The following CHD1L variants were observed in gnomAD, a reference collection of about 807,000 sequenced individuals.
The protein encoded by CHD1L is chromodomain helicase DNA binding protein 1 like.
CHD1L carries 118 observed loss-of-function variants against 115.9 expected under a neutral mutation model. That is an observed-to-expected ratio of 1.02 (90% CI 0.88 to 1.19). The LOEUF (loss-of-function observed/expected upper bound fraction) is 1.19, where lower values mean the gene tolerates loss of function less well. Among genes scored for constraint, CHD1L ranks in the 50% most tolerant of loss-of-function variants. The probability of loss-of-function intolerance (pLI) is 0.00; values close to 1 mark genes in which losing one functional copy is unlikely to be tolerated. For missense variants in CHD1L, 1,179 were observed against 1,065.3 expected, an observed-to-expected ratio of 1.11 and a Z score of -1.49; for synonymous variants, 411 against 387.1, an observed-to-expected ratio of 1.06 and a Z score of -0.72.
At chr1:147,284,302 A>G (rs782737650) in intron 15 of CHD1L, 49 bp from the exon 16 acceptor site, 7 of 1,435,260 alleles carry the variant, frequency 4.9e-6, no homozygotes, top group East Asian at 4.7e-5. Flanking sequence ...GCATTAATCT[A>G]TTTTTCCTTG....
the CHD1L span, chr1:147,208,778 C>T: frequency 7.8e-7 from 1 of 1,274,902 alleles, no homozygotes; most frequent in Non-Finnish European, 1.1e-6. Context: ...GGTGGCTTTA[C>T]TATTAGCCAG....
chr1:147,204,040 T>G, the CHD1L span: 4 of 1,165,714 alleles, frequency 3.4e-6, no homozygotes, highest in Non-Finnish European at 5.2e-6. Context: ...GAGCCATGTC[T>G]GCCACTTTGC....
intron 3 of CHD1L, among the ~76,000 whole-genome samples, chr1:147,255,476 C>G (rs1669789493): frequency 6.6e-6 from 1 of 152,186 alleles, no homozygotes; most frequent in Non-Finnish European, 1.5e-5. Flanking sequence ...ATCTGCCCGC[C>G]TTAGCTTCCC....
chr1:147,268,927 C>CCTGA (rs782447103), intron 10 of CHD1L, 49 bp downstream of exon 10: 11 of 1,444,236 alleles, frequency 7.6e-6, no homozygotes, highest in Non-Finnish European at 1.1e-5. Flanking sequence ...ACTGTTAAAA[C>CCTGA]CTGACTATTG....
At chr1:147,256,491 TC>T in intron 4 of CHD1L, 39 bp from the exon 5 acceptor site, 1 of 1,581,712 alleles carries the variant, frequency 6.3e-7, no homozygotes, top group Non-Finnish European at 8.7e-7. Context: ...TCAGAGTTTA[TC>T]AATGCCAGCC....
rs375146623 is a variant in CHD1L, at chr1:147,293,747, G to A, written c.2506+25G>A. 2.0e-5 allele frequency: 32 copies of A among 1,575,432 alleles called. No individual in the cohort carries two copies. Among genetic ancestry groups the A allele is most frequent in the Non-Finnish European group, 2.7e-5 (31 of 1,146,030 alleles). ...GGTAAGCTCTTCCACCTGTGCTCAAGAGTAGATGAATTTGTTTCTAGGCAT... is the reference window on the plus strand; with the variant it reads ...GGTAAGCTCTTCCACCTGTGCTCAAAAGTAGATGAATTTGTTTCTAGGCAT... On this transcript the variant is annotated intron_variant, in intron 21 of 22. Coordinates refer to ENST00000369258, the MANE Select transcript of CHD1L (RefSeq NM_004284.6).
the CHD1L span, chr1:147,224,745 C>G: frequency 2.9e-6 from 2 of 682,256 alleles, no homozygotes; most frequent in East Asian, 2.7e-5. Flanking sequence ...CGCCTGACCT[C>G]GTGATCCGCC....
At chr1:147,178,443 AGAAGCAG>A in the CHD1L span, 1 of 1,611,494 alleles carries the variant, frequency 6.2e-7, no homozygotes, top group Non-Finnish European at 8.5e-7. Flanking sequence ...GAGATGGTGA[AGAAGCAG>A]GTGCTTATGA....
the CHD1L span, chr1:147,178,170 C>A: frequency 6.2e-7 from 1 of 1,610,624 alleles, no homozygotes; most frequent in Non-Finnish European, 8.5e-7. Context: ...TCGCCGCGGC[C>A]CGCCTCGCGG....
chr1:147,252,267 G>A lies in CHD1L; in HGVS notation c.128-356G>A, dbSNP rs150472907. Among the ~76,000 whole-genome samples the A allele has an allele frequency of 5.0e-3, 759 of 152,272 alleles. 2 individuals carry two copies. The highest frequency in any genetic ancestry group is 9.6e-3 in the Admixed American group (147 of 15,294). On this transcript the variant is annotated intron_variant, in intron 1 of 22. Transcript: ENST00000369258. ...CAGACACATGTACAATCCATGTGTTGTTGCTCTTTGTTAAGTTGCATCAGT... is the reference window on the plus strand; with the variant it reads ...CAGACACATGTACAATCCATGTGTTATTGCTCTTTGTTAAGTTGCATCAGT...
upstream of CHD1L, among the ~76,000 whole-genome samples, chr1:147,240,465 T>C (rs1461750132): frequency 2.0e-5 from 3 of 152,302 alleles, no homozygotes; most frequent in Admixed American, 1.3e-4. Flanking sequence ...GCCTGAAATA[T>C]GGCCTTGTGG....
chr1:147,224,430 C>T, the CHD1L span: 1 of 157,330 alleles, frequency 6.4e-6, no homozygotes, highest in Non-Finnish European at 1.4e-5. Flanking sequence ...AAAGCAAACC[C>T]AGCAAATCCA....
the CHD1L span, among the ~76,000 whole-genome samples, chr1:147,188,016 T>G: frequency 6.6e-6 from 1 of 151,656 alleles, no homozygotes; most frequent in Admixed American, 6.6e-5. Context: ...AGGAAAAAAA[T>G]GATAGAAAAT....
chr1:147,232,547 G>A, the CHD1L span, among the ~76,000 whole-genome samples: 16 of 151,978 alleles, frequency 1.1e-4, no homozygotes, highest in African/African-American at 3.6e-4. Flanking sequence ...CTGTGATGCC[G>A]AGCCGAAGCT....
upstream of CHD1L, among the ~76,000 whole-genome samples, chr1:147,242,260 G>A (rs1664980490): frequency 6.6e-6 from 1 of 152,182 alleles, no homozygotes; most frequent in African/African-American, 2.4e-5. Context: ...TTATCACTAG[G>A]TAAACCGAAC....
chr1:147,204,284 C>T, the CHD1L span: 5 of 991,484 alleles, frequency 5.0e-6, no homozygotes, highest in East Asian at 1.2e-4. Flanking sequence ...CCATGCAATA[C>T]TGAAGAGGAA....
At chr1:147,202,200 C>T in the CHD1L span, among the ~76,000 whole-genome samples, 1 of 151,472 alleles carries the variant, frequency 6.6e-6, no homozygotes, top group African/African-American at 2.4e-5. Context: ...GCGTAGGATA[C>T]GGATACTGGA....
At chr1:147,241,740 A>G (rs1438849397), upstream of CHD1L, among the ~76,000 whole-genome samples, 1 of 152,228 alleles carries the variant, frequency 6.6e-6, no homozygotes, top group Non-Finnish European at 1.5e-5. Flanking sequence ...GAGGAAGATG[A>G]GAATGGAGGG....
At chr1:147,213,252 C>T in the CHD1L span, 7 of 1,403,374 alleles carry the variant, frequency 5.0e-6, no homozygotes, top group Non-Finnish European at 4.8e-6. Flanking sequence ...TCCCATTCCT[C>T]AGGGGTCAGG....
Sources: gnomAD v4.1 joint callset for allele counts (sites outside exome capture counted in the v4.1 genomes callset) on GRCh38, gnomAD v4.1.1 for gene constraint, MANE v1.5 for transcripts, NCBI Gene and HGNC (gene_info 2026-07-23, HGNC 2026-07-21) for gene names.